Variants in LRP1B observed in about 807,000 individuals in gnomAD.
LRP1B encodes the protein low-density lipoprotein receptor-related protein 1B.
In LRP1B, 217 loss-of-function variants were observed where a neutral mutation model predicts 556.6. The observed-to-expected ratio is 0.39, with a 90% CI of 0.35 to 0.44. The LOEUF (loss-of-function observed/expected upper bound fraction) is 0.44, where lower values mean the gene tolerates loss of function less well. Ranked by LOEUF, LRP1B falls within the 20% of genes least tolerant of loss-of-function variation. The probability of loss-of-function intolerance (pLI) is 1.00; values close to 1 mark genes in which losing one functional copy is unlikely to be tolerated. For synonymous variants in LRP1B, 2,047 were observed against 1,865.8 expected (o/e 1.10, Z -2.50); for missense variants, 5,053 against 5,620.8 (o/e 0.90, Z 3.23).
chr2:141,586,291 G>C (rs1687133495), intron 2 of LRP1B, among the ~76,000 whole-genome samples: 1 of 152,048 alleles, frequency 6.6e-6, no homozygotes, highest in Non-Finnish European at 1.5e-5. Flanking sequence ...TAATCACTTT[G>C]GATAGATTCT....
chr2:140,741,895 A>T (rs1559089382), intron 35 of LRP1B, among the ~76,000 whole-genome samples: 1 of 152,158 alleles, frequency 6.6e-6, no homozygotes, highest in Admixed American at 6.6e-5. Context: ...TTAATTTAAG[A>T]TAATAGCCTC....
chr2:141,056,790 G>A (rs1234853477), intron 9 of LRP1B, among the ~76,000 whole-genome samples: 1 of 151,778 alleles, frequency 6.6e-6, no homozygotes, highest in African/African-American at 2.4e-5. Context: ...TCTCAAGCTT[G>A]GACTTCCCCC....
chr2:141,599,389 A>G (rs1687650454), intron 2 of LRP1B, among the ~76,000 whole-genome samples: 1 of 152,102 alleles, frequency 6.6e-6, no homozygotes, highest in Non-Finnish European at 1.5e-5. Flanking sequence ...TTATCTTGAT[A>G]ACGCAGATTT....
chr2:141,190,850 T>C (rs1374975943), intron 6 of LRP1B, among the ~76,000 whole-genome samples: 1 of 151,960 alleles, frequency 6.6e-6, no homozygotes, highest in Non-Finnish European at 1.5e-5. Context: ...TTGAAGGAAT[T>C]TGAGAAATAG....
chr2:141,689,381 A>G (rs1220529835), intron 2 of LRP1B, among the ~76,000 whole-genome samples: 1 of 151,824 alleles, frequency 6.6e-6, no homozygotes, highest in Non-Finnish European at 1.5e-5. Flanking sequence ...GCATGGCTAC[A>G]CAAAACACAA....
chr2:141,231,548 A>T (rs116594451), intron 5 of LRP1B, among the ~76,000 whole-genome samples: 2,317 of 152,112 alleles, frequency 0.015, 43 homozygotes, highest in African/African-American at 0.046. Flanking sequence ...AATCACTACC[A>T]CTTGGGAAAA....
intron 41 of LRP1B, among the ~76,000 whole-genome samples, chr2:140,680,299 G>T (rs1399840956): frequency 6.6e-6 from 1 of 152,118 alleles, no homozygotes; most frequent in Non-Finnish European, 1.5e-5. Context: ...AGAAAAACTT[G>T]TGACTTTGAG....
At chr2:140,356,009 T>TA (rs1383605111) in intron 75 of LRP1B, among the ~76,000 whole-genome samples, 2 of 151,944 alleles carry the variant, frequency 1.3e-5, no homozygotes, top group Admixed American at 1.3e-4. Context: ...ATCATAAACA[T>TA]ATTTTTTCAT....
At chr2:140,544,273 C>G (rs1031839359) in intron 43 of LRP1B, among the ~76,000 whole-genome samples, 3 of 149,828 alleles carry the variant, frequency 2.0e-5, no homozygotes, top group African/African-American at 4.9e-5. Flanking sequence ...CTTTTAAATT[C>G]AGGGGTATAT....
chr2:142,080,749 T>C (rs1203170405), intron 1 of LRP1B, among the ~76,000 whole-genome samples: 2 of 152,144 alleles, frequency 1.3e-5, no homozygotes, highest in African/African-American at 4.8e-5. Flanking sequence ...TGACTCCACC[T>C]CCTCTCCTGC....
chr2:141,139,277 A>G lies in LRP1B; in HGVS notation c.1013+49144T>C, dbSNP rs1361346391. Among the ~76,000 whole-genome samples, 4 of 152,090 alleles carry G rather than the reference A, an allele frequency of 2.6e-5. No individual in the cohort carries two copies. The East Asian group carries it at 7.7e-4, about 29-fold the overall frequency. On this transcript the variant is annotated intron_variant, in intron 7 of 90. Coordinates refer to ENST00000389484, the MANE Select transcript of LRP1B (RefSeq NM_018557.3). ...TAAAACTCCTAGAAGAAAACATAAA[A>G]CAAAATCTTTATAACATTTGGTTAA...
rs2104885061 is a variant in LRP1B at position 140,239,536 on chromosome 2, G to C, written c.13325-4C>G. The stretch of plus-strand genomic sequence containing the variant: ...GGCACAATGATGGCAATGCTTCCTG[G>C]AAAATAAATGAGTGAATAGATGAAG... On this transcript the variant is annotated splice_region_variant and splice_polypyrimidine_tract_variant and intron_variant, in intron 87 of 90. Coordinates refer to ENST00000389484, the MANE Select transcript of LRP1B (RefSeq NM_018557.3). 6.3e-7 allele frequency: 1 copy of C among 1,575,086 alleles called. No individual in the cohort carries two copies. The highest frequency in any genetic ancestry group is 8.7e-7 in the Non-Finnish European group (1 of 1,149,488).
chr2:141,568,245 A>T (rs1218633223), intron 2 of LRP1B, among the ~76,000 whole-genome samples: 14 of 151,172 alleles, frequency 9.3e-5, no homozygotes, highest in Admixed American at 9.2e-4. Flanking sequence ...TAAGAATGTC[A>T]AAATAATTTT....
chr2:141,047,054 TTAATAATAATAA>T (rs70991134), intron 11 of LRP1B, among the ~76,000 whole-genome samples: 3 of 70,634 alleles, frequency 4.2e-5, no homozygotes, highest in African/African-American at 4.6e-5. Flanking sequence ...TGCACAAAAA[TTAATAATAATAA>T]TAATAATAAT....
intron 1 of LRP1B, among the ~76,000 whole-genome samples, chr2:141,877,471 T>C (rs1698809689): frequency 6.6e-6 from 1 of 151,986 alleles, no homozygotes; most frequent in Non-Finnish European, 1.5e-5. Context: ...AAATATGTCT[T>C]CTATGTTGCC....
At chr2:141,677,664 T>C (rs1210222488) in intron 2 of LRP1B, among the ~76,000 whole-genome samples, 1 of 152,108 alleles carries the variant, frequency 6.6e-6, no homozygotes, top group African/African-American at 2.4e-5. Context: ...TAATTTTGTA[T>C]TTTTAGTAGA....
chr2:140,913,180 AC>A (rs1694473162), intron 21 of LRP1B, among the ~76,000 whole-genome samples: 1 of 151,864 alleles, frequency 6.6e-6, no homozygotes, highest in Non-Finnish European at 1.5e-5. Flanking sequence ...TATTTCTCTA[AC>A]AGTGTTTGGT....
intron 20 of LRP1B, among the ~76,000 whole-genome samples, chr2:140,932,713 T>A (rs1695084671): frequency 6.9e-6 from 1 of 145,748 alleles, no homozygotes; most frequent in Admixed American, 6.9e-5. Context: ...TCTCTATAAT[T>A]TTTTTTTTTT....
intron 2 of LRP1B, among the ~76,000 whole-genome samples, chr2:141,654,153 G>A (rs1422370031): frequency 6.6e-6 from 1 of 152,068 alleles, no homozygotes; most frequent in East Asian, 1.9e-4. Context: ...AGCTAGAGTG[G>A]GTCCAGGAAA....
Sources: gnomAD v4.1 joint callset for allele counts (sites outside exome capture counted in the v4.1 genomes callset) on GRCh38, gnomAD v4.1.1 for gene constraint, MANE v1.5 for transcripts, NCBI Gene and HGNC (gene_info 2026-07-23, HGNC 2026-07-21) for gene names.